The following CCDC80 variants were observed in gnomAD, a reference collection of about 807,000 sequenced individuals.
The protein encoded by CCDC80 is coiled-coil domain containing 80, also known as coiled-coil domain-containing protein 80.
CCDC80 carries 49 observed loss-of-function variants against 78.7 expected under a neutral mutation model. The observed-to-expected ratio is 0.62, with a 90% CI of 0.50 to 0.79. CCDC80 has a LOEUF of 0.79. CCDC80 is among the 30% of genes least tolerant of loss of function. CCDC80 has a pLI of 0.00. For synonymous variants in CCDC80, 488 were observed against 447.0 expected (o/e 1.09, Z -1.16); for missense variants, 1,205 against 1,198.6 (o/e 1.01, Z -0.08).
rs1221894235 is a variant in CCDC80, at chr3:112,598,784, A to G, written c.*6633T>C. 1.3e-5 allele frequency: 2 copies of G among 152,208 alleles called. No homozygotes were observed. The highest frequency in any genetic ancestry group is 1.5e-5 in the Non-Finnish European group (1 of 68,046). 9.4% of individuals were successfully genotyped at this position (152,208 alleles called of 1,614,324 possible). On this transcript the variant is annotated 3_prime_UTR_variant, in exon 8 of 8. Transcript: ENST00000206423. ...TCTTTAGATGTTTAGGGTACTCACA[A>G]TCCTTGCCAACCTGATGTCCTTGGA...
intron 3 of CCDC80, among the ~76,000 whole-genome samples, chr3:112,627,961 C>T (rs1208848530): frequency 1.3e-5 from 2 of 151,826 alleles, no homozygotes; most frequent in African/African-American, 4.8e-5. Context: ...TTTGCCAAGG[C>T]AGTACCAGAT....
chr3:112,628,566 A>T (rs1403280194), intron 3 of CCDC80, among the ~76,000 whole-genome samples: 1 of 152,162 alleles, frequency 6.6e-6, no homozygotes, highest in Non-Finnish European at 1.5e-5. Flanking sequence ...TATCTTCTAA[A>T]CTAAGACTTA....
intron 2 of CCDC80, among the ~76,000 whole-genome samples, chr3:112,635,451 G>C (rs1412413654): frequency 6.6e-6 from 1 of 152,200 alleles, no homozygotes; most frequent in Non-Finnish European, 1.5e-5. Context: ...AGTAACATTA[G>C]CCAAGTTTGA....
chr3:112,638,022 A>G lies in CCDC80; in HGVS notation c.1878+6T>C. 1 of 1,587,220 alleles carries G rather than the reference A, an allele frequency of 6.3e-7. No homozygotes were observed. The highest frequency in any genetic ancestry group is 8.5e-7 in the Non-Finnish European group (1 of 1,171,336). On this transcript the variant is annotated splice_donor_region_variant and intron_variant, in intron 2 of 7. Transcript: ENST00000206423. ...ATAGAAGAATGCCAAGGAGAAGGCTACTTACAAGGAGTCTTCGTTTGCCTT... is the reference window on the plus strand; with the variant it reads ...ATAGAAGAATGCCAAGGAGAAGGCTGCTTACAAGGAGTCTTCGTTTGCCTT...
At position 112,638,813 on chromosome 3, in the gene CCDC80, T is replaced by G. The variant is rs991098243; in HGVS notation, c.1093A>C (p.Thr365Pro). The G allele has an allele frequency of 6.2e-7, 1 of 1,613,814 alleles. No individual in the cohort carries two copies. The highest frequency in any genetic ancestry group is 8.5e-7 in the Non-Finnish European group (1 of 1,179,988). Reference sequence around the variant, plus strand: ...GCAGCAACTGTTACCGCCCGGGACGTGGACCGAGTCACTGTTGTGGCTGGG... The same window carrying G: ...GCAGCAACTGTTACCGCCCGGGACGGGGACCGAGTCACTGTTGTGGCTGGG... ...PAPATTVTRS[T>P]SRAVTVAARP... Residue 365 changes from threonine to proline, a missense_variant, in exon 2 of 8, where the codon ACG (threonine) becomes CCG (proline). Transcript: ENST00000206423.
intron 3 of CCDC80, among the ~76,000 whole-genome samples, chr3:112,621,600 A>G (rs1372961282): frequency 6.6e-6 from 1 of 152,198 alleles, no homozygotes; most frequent in African/African-American, 2.4e-5. Flanking sequence ...AACTGAATAT[A>G]GACATTATCT....
At chr3:112,609,393 G>A (rs1240017880) in intron 6 of CCDC80, among the ~76,000 whole-genome samples, 1 of 152,092 alleles carries the variant, frequency 6.6e-6, no homozygotes, top group Non-Finnish European at 1.5e-5. Context: ...TGGCCTGCTT[G>A]TCTTTAAAAT....
rs992343861 is a variant in CCDC80 at position 112,597,765 on chromosome 3, T to TACATAACC, written c.*7644_*7651dup. 1.3e-5 allele frequency: 2 copies of TACATAACC among 152,124 alleles called. No individual in the cohort carries two copies. Among genetic ancestry groups the TACATAACC allele is most frequent in the African/African-American group, 4.8e-5 (2 of 41,430 alleles). The allele number at this position is 152,124 out of a possible 1,614,324, so 9.4% of individuals were successfully genotyped here. A position where few individuals can be genotyped will look rare whatever the true frequency, so the allele number is the denominator to read the frequency against. On this transcript the variant is annotated 3_prime_UTR_variant, in exon 8 of 8. Transcript: ENST00000206423. ...GTTATAATTGCATCCTCCTAAAGAC[T>TACATAACC]ACATAACCATCATCACTCATCATCT...
intron 3 of CCDC80, among the ~76,000 whole-genome samples, chr3:112,621,758 C>T (rs1200505201): frequency 1.3e-5 from 2 of 152,102 alleles, no homozygotes; most frequent in Non-Finnish European, 2.9e-5. Context: ...AGAAGGGAGC[C>T]ACCTTTCCCC....
Position 112,639,198 on chromosome 3 carries a change from C to T in CCDC80, c.708G>A (p.Val236=). 2 of 1,614,156 alleles carry T rather than the reference C, an allele frequency of 1.2e-6. No individual in the cohort carries two copies. Among genetic ancestry groups the T allele is most frequent in the Non-Finnish European group, 1.7e-6 (2 of 1,180,032 alleles). ...CCACCTGCAGCGTCTTCTTCAGCAG[C>T]ACCATGCCAAACTTGCCCTTCTCCA... ...LKLEKGKFGM[V]LLKKTLQVEE... The change falls in exon 2 of 8, where the codon GTG becomes GTA. Residue 236 remains valine, a synonymous_variant. Transcript: ENST00000206423.
intron 3 of CCDC80, among the ~76,000 whole-genome samples, chr3:112,621,604 A>T (rs535739537): frequency 2.0e-5 from 3 of 152,306 alleles, no homozygotes; most frequent in Non-Finnish European, 4.4e-5. Flanking sequence ...GAATATAGAC[A>T]TTATCTGGCT....
Position 112,601,615 on chromosome 3 carries a change from T to C in CCDC80, c.*3802A>G, listed in dbSNP as rs2107464776. On this transcript the variant is annotated 3_prime_UTR_variant, in exon 8 of 8. Coordinates refer to ENST00000206423, the MANE Select transcript of CCDC80 (RefSeq NM_199511.3). ...GGAGGATTGTTTGAGGGAAGCTGAG[T>C]TTGCAGTGAGCCAAGATTGCACTAC... 1 of 148,874 alleles carries C rather than the reference T, an allele frequency of 6.7e-6. No individual in the cohort carries two copies. Among genetic ancestry groups the C allele is most frequent in the South Asian group, 2.1e-4 (1 of 4,774 alleles). The allele number at this position is 148,874 out of a possible 1,614,324, so 9.2% of individuals were successfully genotyped here.
In CCDC80 at chr3:112,638,295, A is replaced by G. The variant is rs1452248856; in HGVS notation, c.1611T>C (p.Ser537=). The change falls in exon 2 of 8, where the codon TCT becomes TCC. Residue 537 remains serine (S), a synonymous_variant. Transcript: ENST00000206423. ...GTTTCTCAAGCTTTTCATGCTTTTT[A>G]GACTCCTTTGCTTTTTTAAGGGGAA... ...GNVPLKKAKE[S]KKHEKLEKPE... 1 of 1,612,596 alleles carries G rather than the reference A, an allele frequency of 6.2e-7. No homozygotes were observed. The highest frequency in any genetic ancestry group is 2.2e-5 in the East Asian group (1 of 44,832).
At chr3:112,629,683 T>G (rs1936055906) in intron 3 of CCDC80, among the ~76,000 whole-genome samples, 1 of 152,222 alleles carries the variant, frequency 6.6e-6, no homozygotes, top group Non-Finnish European at 1.5e-5. Context: ...TTCCTCAGGC[T>G]TGCCAGAGTC....
intron 3 of CCDC80, among the ~76,000 whole-genome samples, chr3:112,622,597 C>T (rs1056021888): frequency 1.3e-5 from 2 of 152,106 alleles, no homozygotes; most frequent in Non-Finnish European, 2.9e-5. Context: ...TCTGTTTAAG[C>T]TCACTAATGA....
chr3:112,623,095 G>A (rs1935900444), intron 3 of CCDC80, among the ~76,000 whole-genome samples: 1 of 152,094 alleles, frequency 6.6e-6, no homozygotes, highest in African/African-American at 2.4e-5. Flanking sequence ...ATTGAGGTGA[G>A]GGATTCCCAG....
At position 112,601,090 on chromosome 3, in the gene CCDC80, T is replaced by C. The variant is rs1935365491; in HGVS notation, c.*4327A>G. 2 of 152,222 alleles carry C rather than the reference T, an allele frequency of 1.3e-5. No individual in the cohort carries two copies. Among genetic ancestry groups the C allele is most frequent in the Admixed American group, 1.3e-4 (2 of 15,284 alleles). 9.4% of individuals were successfully genotyped at this position (152,222 alleles called of 1,614,324 possible). A position where few individuals can be genotyped will look rare whatever the true frequency, so the allele number is the denominator to read the frequency against. On this transcript the variant is annotated 3_prime_UTR_variant, in exon 8 of 8. Coordinates refer to ENST00000206423, the MANE Select transcript of CCDC80 (RefSeq NM_199511.3). ...AATTCACACACTAAGAACTGAGTTCTAAAGTCACTTGAGCTTTCTGGAGCT... is the reference window on the plus strand; with the variant it reads ...AATTCACACACTAAGAACTGAGTTCCAAAGTCACTTGAGCTTTCTGGAGCT...
chr3:112,605,406 C>A lies in CCDC80; in HGVS notation c.*11G>T. The A allele has an allele frequency of 3.8e-6, 6 of 1,593,816 alleles. No homozygotes were observed. Among genetic ancestry groups the A allele is most frequent in the Non-Finnish European group, 5.1e-6 (6 of 1,165,102 alleles). On this transcript the variant is annotated 3_prime_UTR_variant, in exon 8 of 8. Coordinates refer to ENST00000206423, the MANE Select transcript of CCDC80 (RefSeq NM_199511.3). ...AGGAAACTGGCTGAGTCTAAGGTTA[C>A]ATATTTCTGCTCAGTAAGGGTATCC... is the stretch of plus-strand genomic sequence containing the variant.
intron 3 of CCDC80, 51 bp downstream of exon 3, chr3:112,630,062 C>T (rs1288498008): frequency 6.4e-7 from 1 of 1,551,784 alleles, no homozygotes; most frequent in Non-Finnish European, 8.9e-7. Flanking sequence ...AAAGTTTGTC[C>T]CACCTTAGAT....
Sources: allele counts gnomAD v4.1 joint callset (sites outside exome capture counted in the v4.1 genomes callset), GRCh38; gene constraint gnomAD v4.1.1; transcripts MANE v1.5; gene names NCBI Gene and HGNC (gene_info 2026-07-23, HGNC 2026-07-21).